The following RUFY2 variants were observed in gnomAD, a reference collection of about 807,000 sequenced individuals.
The protein encoded by RUFY2 is RUN and FYVE domain-containing protein 2.
RUFY2 carries 49 observed loss-of-function variants against 94.4 expected under a neutral mutation model. That is an observed-to-expected ratio of 0.52 (90% CI 0.41 to 0.66). The LOEUF (loss-of-function observed/expected upper bound fraction) is 0.66, where lower values mean the gene tolerates loss of function less well. Ranked by LOEUF, RUFY2 falls within the 30% of genes least tolerant of loss-of-function variation. The pLI is 0.00. For synonymous variants in RUFY2, 255 were observed against 235.7 expected (o/e 1.08, Z -0.75); for missense variants, 541 against 692.8 (o/e 0.78, Z 2.46).
At chr10:68,352,695 C>T (rs1272073470) in intron 16 of RUFY2, among the ~76,000 whole-genome samples, 7 of 151,968 alleles carry the variant, frequency 4.6e-5, no homozygotes, top group Non-Finnish European at 8.8e-5. Flanking sequence ...CTTTGGGAGG[C>T]CAAGGTGGGC....
rs371299843 is a variant in RUFY2, at chr10:68,345,801, C to A, written c.1788G>T (p.Leu596=). 1.5e-5 allele frequency: 24 copies of A among 1,613,522 alleles called. No homozygotes were observed. In the Admixed American group the frequency reaches 2.5e-4, roughly 17 times the overall value. The change falls in exon 18 of 18, where the codon CTG becomes CTT. Residue 596 remains leucine (L), a synonymous_variant. Transcript: ENST00000602465. ...AGTTAGATGAGCATCTCTGAATGAG[C>A]AGTGCATGACAGGAATCACAAACCC... The part of the protein sequence containing the change: ...PVRVCDSCHA[L]LIQRCSSNLP
chr10:68,398,032 C>G (rs1374518608), intron 3 of RUFY2, among the ~76,000 whole-genome samples: 1 of 146,364 alleles, frequency 6.8e-6, no homozygotes, highest in Non-Finnish European at 1.5e-5. Flanking sequence ...GAGGCTGAGG[C>G]AGGAGAATCA....
intron 3 of RUFY2, among the ~76,000 whole-genome samples, chr10:68,397,779 G>GA (rs879330740): frequency 1.3e-4 from 19 of 144,494 alleles, no homozygotes; most frequent in Admixed American, 1.4e-4. Context: ...CCCTGTCTCA[G>GA]AAAAAAAAAA....
intron 8 of RUFY2, among the ~76,000 whole-genome samples, chr10:68,385,221 G>A (rs1376227356): frequency 3.3e-5 from 5 of 151,064 alleles, no homozygotes; most frequent in South Asian, 2.1e-4. Flanking sequence ...CCGAGATCGC[G>A]CCACTGCACT....
chr10:68,379,909 G>A (rs1458112632), intron 11 of RUFY2, among the ~76,000 whole-genome samples: 5 of 150,840 alleles, frequency 3.3e-5, no homozygotes, highest in South Asian at 2.1e-4. Context: ...TCAGGTTCAC[G>A]CCATTCTCCT....
At position 68,364,107 on chromosome 10, in the gene RUFY2, T is replaced by C. The variant is rs374200518; in HGVS notation, c.1332A>G (p.Gln444=). The C allele has an allele frequency of 5.0e-6, 8 of 1,611,888 alleles. No homozygotes were observed. The African/African-American group carries it at 9.3e-5, about 19-fold the overall frequency. Residue 444 remains glutamine (Q), a synonymous_variant, in exon 14 of 18, where the codon CAA becomes CAG. Coordinates refer to ENST00000602465, the MANE Select transcript of RUFY2 (RefSeq NM_001330103.2). ...TCTCAATCTTCAAGTCAGTTTCCAGTTGCACCCTTGAATGACAAATAACAC... is the reference window on the plus strand; with the variant it reads ...TCTCAATCTTCAAGTCAGTTTCCAGCTGCACCCTTGAATGACAAATAACAC... ...QISQKEKQLV[Q]LETDLKIEKE...
At chr10:68,374,215 C>T (rs976179181) in intron 13 of RUFY2, among the ~76,000 whole-genome samples, 9 of 150,356 alleles carry the variant, frequency 6.0e-5, no homozygotes, top group Non-Finnish European at 8.8e-5. Context: ...GTGGGAGGAT[C>T]GCTTGAGGCT....
At chr10:68,360,572 T>G (rs1589811733) in intron 15 of RUFY2, among the ~76,000 whole-genome samples, 1 of 151,718 alleles carries the variant, frequency 6.6e-6, no homozygotes, top group South Asian at 2.1e-4. Context: ...TGAAACCCCA[T>G]CTCTACTACC....
chr10:68,378,459 C>T, intron 12 of RUFY2: 1 of 1,334,206 alleles, frequency 7.5e-7, no homozygotes, highest in South Asian at 2.2e-5. Flanking sequence ...GGGTTCCTAA[C>T]ATCCTTTTAG....
chr10:68,342,146 T>C, downstream of RUFY2: 1 of 822,872 alleles, frequency 1.2e-6, no homozygotes, highest in East Asian at 2.8e-5. Flanking sequence ...TTAAGAACTT[T>C]ATAATGACTG....
intron 10 of RUFY2, among the ~76,000 whole-genome samples, chr10:68,381,934 C>T (rs2049090676): frequency 6.6e-6 from 1 of 152,084 alleles, no homozygotes; most frequent in African/African-American, 2.4e-5. Flanking sequence ...TTTAACGGTC[C>T]AAGAATTAAT....
intron 15 of RUFY2, among the ~76,000 whole-genome samples, chr10:68,359,556 A>C (rs28689152): frequency 7.6e-5 from 11 of 145,120 alleles, no homozygotes; most frequent in African/African-American, 2.7e-4. Flanking sequence ...TATATATAAA[A>C]ATATATATAG....
rs777993731 is a variant in RUFY2 at position 68,383,931 on chromosome 10, A to G, written c.823-17T>C. 6.3e-7 allele frequency: 1 copy of G among 1,599,888 alleles called. No individual in the cohort carries two copies. The highest frequency in any genetic ancestry group is 1.1e-5 in the South Asian group (1 of 90,620). ...TTTGGTAACCTAGGAAGAAAACAAA[A>G]TTTTTCATTCTATAATCACTACTAT... is the stretch of plus-strand genomic sequence containing the variant. On this transcript the variant is annotated splice_polypyrimidine_tract_variant and intron_variant, in intron 9 of 17. Coordinates refer to ENST00000602465, the MANE Select transcript of RUFY2 (RefSeq NM_001330103.2).
intron 4 of RUFY2, among the ~76,000 whole-genome samples, chr10:68,394,856 C>T (rs2050269855): frequency 6.6e-6 from 1 of 151,802 alleles, no homozygotes; most frequent in African/African-American, 2.4e-5. Context: ...GTCTCGATCT[C>T]CTGACCTCAT....
At chr10:68,393,377 G>A (rs1368331680) in intron 6 of RUFY2, among the ~76,000 whole-genome samples, 174 bp from the exon 7 acceptor site, 1 of 152,104 alleles carries the variant, frequency 6.6e-6, no homozygotes, top group Non-Finnish European at 1.5e-5. Flanking sequence ...AACCTTTGTT[G>A]AATAAATTAC....
downstream of RUFY2, chr10:68,342,363 A>G (rs908780170): frequency 5.9e-5 from 14 of 237,082 alleles, no homozygotes; most frequent in Non-Finnish European, 1.2e-4. Flanking sequence ...TATTAGTTCT[A>G]CAAGAAGTAG....
downstream of RUFY2, chr10:68,342,263 A>C: frequency 2.0e-6 from 1 of 489,806 alleles, no homozygotes; most frequent in Middle Eastern, 5.5e-4. Flanking sequence ...ATAAATTTTT[A>C]TATTCAAACC....
At chr10:68,348,360 A>C (rs2046426860) in intron 16 of RUFY2, among the ~76,000 whole-genome samples, 2 of 151,750 alleles carry the variant, frequency 1.3e-5, no homozygotes, top group African/African-American at 4.8e-5. Flanking sequence ...AATATAAATG[A>C]AAAGAAATTA....
chr10:68,377,022 T>A (rs962457938), intron 12 of RUFY2, 50 bp from the exon 13 acceptor site: 2 of 1,601,968 alleles, frequency 1.2e-6, no homozygotes, highest in African/African-American at 2.7e-5. Flanking sequence ...AGAACTAGGG[T>A]GTAAAAGGGT....
Sources: allele counts gnomAD v4.1 joint callset (sites outside exome capture counted in the v4.1 genomes callset), GRCh38; gene constraint gnomAD v4.1.1; transcripts MANE v1.5; gene names NCBI Gene and HGNC (gene_info 2026-07-23, HGNC 2026-07-21).